TUB: variants seen among roughly 807,000 people sequenced by gnomAD.
TUB encodes the protein tubby protein homolog.
In TUB, 33 loss-of-function variants were observed where a neutral mutation model predicts 59.7. That is an observed-to-expected ratio of 0.55 (90% CI 0.42 to 0.74). The LOEUF (loss-of-function observed/expected upper bound fraction) is 0.74. TUB is among the 30% of genes least tolerant of loss of function. The pLI is 0.00. For missense variants in TUB, 659 were observed against 672.0 expected (o/e 0.98, Z 0.21); for synonymous variants, 293 against 256.4 (o/e 1.14, Z -1.36).
At chr11:8,061,059 T>C (rs1275394436) in intron 2 of TUB, among the ~76,000 whole-genome samples, 1 of 152,222 alleles carries the variant, frequency 6.6e-6, no homozygotes, top group East Asian at 1.9e-4. Flanking sequence ...TGGTGGGGCC[T>C]GTGTGGCCCT....
intron 2 of TUB, among the ~76,000 whole-genome samples, chr11:8,043,127 T>TC (rs1231871262): frequency 2.0e-5 from 3 of 152,134 alleles, no homozygotes; most frequent in African/African-American, 7.2e-5. Flanking sequence ...GAGGTAGGGG[T>TC]CCCAACTCAT....
intron 2 of TUB, among the ~76,000 whole-genome samples, chr11:8,056,281 G>A (rs1193077752): frequency 6.6e-6 from 1 of 152,206 alleles, no homozygotes; most frequent in African/African-American, 2.4e-5. Flanking sequence ...CATGGGCTCA[G>A]AGGGCTGGCT....
chr11:8,101,857 CCA>C lies in TUB; in HGVS notation c.*240_*241del. On this transcript the variant is annotated 3_prime_UTR_variant, in exon 12 of 12. Transcript: ENST00000299506. ...AGGGATGAGAATAATTCTTTCCATG[CCA>C]CGAGATCAACACACACTCCCACCCT... 1 of 576,030 alleles carries C rather than the reference CCA, an allele frequency of 1.7e-6. No individual in the cohort carries two copies. The highest frequency in any genetic ancestry group is 2.9e-6 in the Non-Finnish European group (1 of 342,586). The allele number at this position is 576,030 out of a possible 1,614,324, so 35.7% of individuals were successfully genotyped here.
In TUB at chr11:8,103,351, C is replaced by T. The variant is rs563423924; in HGVS notation, c.*1732C>T. 6.6e-6 allele frequency: 1 copy of T among 152,098 alleles called. No homozygotes were observed. Among genetic ancestry groups the T allele is most frequent in the Non-Finnish European group, 1.5e-5 (1 of 68,014 alleles). 9.4% of individuals were successfully genotyped at this position (152,098 alleles called of 1,614,324 possible). ...TGGTGGGAAGCAAGCAGGGGTCGTACCTTGCTTTAGAGTAGATGTTTGGAA... is the reference window on the plus strand; with the variant it reads ...TGGTGGGAAGCAAGCAGGGGTCGTATCTTGCTTTAGAGTAGATGTTTGGAA... On this transcript the variant is annotated 3_prime_UTR_variant, in exon 12 of 12. Coordinates refer to ENST00000299506, the MANE Select transcript of TUB (RefSeq NM_177972.3).
Position 8,094,017 on chromosome 11 carries a change from C to T in TUB, c.254-29C>T, listed in dbSNP as rs1219435065. On this transcript the variant is annotated intron_variant, in intron 3 of 11. Coordinates refer to ENST00000299506, the MANE Select transcript of TUB (RefSeq NM_177972.3). ...GGTCTCACCCACTGCCTGTTTCTCTCTCTCCATCTGGGGATGTTTCCTGAG... is the reference window on the plus strand; with the variant it reads ...GGTCTCACCCACTGCCTGTTTCTCTTTCTCCATCTGGGGATGTTTCCTGAG... The T allele has an allele frequency of 1.9e-6, 3 of 1,614,022 alleles. No homozygotes were observed. In the East Asian group the frequency reaches 6.7e-5, roughly 36 times the overall value.
At chr11:8,093,531 C>T (rs1173179420) in intron 3 of TUB, among the ~76,000 whole-genome samples, 1 of 152,146 alleles carries the variant, frequency 6.6e-6, no homozygotes, top group Non-Finnish European at 1.5e-5. Flanking sequence ...CTGTTGGTGC[C>T]TGTAGCTTCT....
chr11:8,090,343 T>C, intron 3 of TUB, 112 bp downstream of exon 3: 1 of 1,413,828 alleles, frequency 7.1e-7, no homozygotes, highest in Non-Finnish European at 9.5e-7. Context: ...AGGCTGTGTA[T>C]GGCTTCCAGC....
intron 1 of TUB, among the ~76,000 whole-genome samples, chr11:8,022,548 A>C (rs181459859): frequency 3.2e-4 from 48 of 152,298 alleles, no homozygotes; most frequent in African/African-American, 1.1e-3. Context: ...CATGTCAGTT[A>C]TCTATTGCCA....
chr11:8,081,901 A>G (rs1943573875), intron 1 of TUB, among the ~76,000 whole-genome samples: 1 of 152,220 alleles, frequency 6.6e-6, no homozygotes. Context: ...GCACACGCTC[A>G]TACATCTGCA....
chr11:8,079,207 G>A (rs771797870), upstream of TUB, among the ~76,000 whole-genome samples: 16 of 152,204 alleles, frequency 1.1e-4, no homozygotes, highest in Admixed American at 3.9e-4. Flanking sequence ...TGAAGGGAAA[G>A]TCTTTTAGAC....
chr11:8,099,712 G>A (rs1228481044), intron 9 of TUB, among the ~76,000 whole-genome samples: 2 of 152,210 alleles, frequency 1.3e-5, no homozygotes, highest in Non-Finnish European at 2.9e-5. Flanking sequence ...AGTAGGGGAG[G>A]GGAGATAAGA....
rs2133913122 is a variant in TUB at position 8,100,987 on chromosome 11, T to C, written c.1377T>C (p.His459=). ...QASVKNFQII[H]GNDPDYIVMQ... ...CCGTGAAGAACTTCCAGATCATCCA[T>C]GGCAATGACCGTGAGTGTTTCTGTC... The change falls in exon 11 of 12, where the codon CAT becomes CAC. Residue 459 remains histidine, a synonymous_variant. Coordinates refer to ENST00000299506, the MANE Select transcript of TUB (RefSeq NM_177972.3). The C allele has an allele frequency of 3.1e-6, 5 of 1,614,152 alleles. No homozygotes were observed. Among genetic ancestry groups the C allele is most frequent in the Non-Finnish European group, 4.2e-6 (5 of 1,180,032 alleles).
In TUB at chr11:8,101,718, G is replaced by A. The variant is rs956762839; in HGVS notation, c.*99G>A. The A allele has an allele frequency of 1.5e-4, 224 of 1,477,870 alleles. No homozygotes were observed. Among genetic ancestry groups the A allele is most frequent in the East Asian group, 7.9e-4 (32 of 40,386 alleles). The allele number at this position is 1,477,870 out of a possible 1,614,324, so 91.5% of individuals were successfully genotyped here. A position where few individuals can be genotyped will look rare whatever the true frequency, so the allele number is the denominator to read the frequency against. On this transcript the variant is annotated 3_prime_UTR_variant, in exon 12 of 12. Coordinates refer to ENST00000299506, the MANE Select transcript of TUB (RefSeq NM_177972.3). The stretch of plus-strand genomic sequence containing the variant: ...CCTATCCTCTGTATATAGGCCTTCC[G>A]CCAGATGAAGCTTTGGCCCTCAGTG...
At chr11:8,045,372 C>G (rs1027171106) in intron 2 of TUB, among the ~76,000 whole-genome samples, 1 of 152,162 alleles carries the variant, frequency 6.6e-6, no homozygotes, top group East Asian at 1.9e-4. Context: ...GATTTTTCTC[C>G]TAGTTATGCA....
intron 1 of TUB, among the ~76,000 whole-genome samples, chr11:8,027,473 C>T (rs1942515224): frequency 6.6e-6 from 1 of 152,046 alleles, no homozygotes; most frequent in African/African-American, 2.4e-5. Flanking sequence ...TTTGCATAAA[C>T]CACATTTTGT....
At chr11:8,072,932 C>G (rs1943384802) in intron 2 of TUB, among the ~76,000 whole-genome samples, 1 of 152,240 alleles carries the variant, frequency 6.6e-6, no homozygotes. Context: ...TGTCTCCTAA[C>G]AGCCCTGCTT....
intron 2 of TUB, among the ~76,000 whole-genome samples, chr11:8,048,371 A>G (rs1299952389): frequency 6.6e-6 from 1 of 152,180 alleles, no homozygotes; most frequent in African/African-American, 2.4e-5. Flanking sequence ...ACTACAATAG[A>G]TGAAGGTGCT....
chr11:8,044,022 C>T (rs1314444409), intron 2 of TUB, among the ~76,000 whole-genome samples: 10 of 151,742 alleles, frequency 6.6e-5, no homozygotes, highest in Admixed American at 2.0e-4. Context: ...TTCTCTTTAT[C>T]GTTGGCTTTC....
At position 8,040,984 on chromosome 11, in the gene TUB, G is replaced by A. The variant is rs186157705; in HGVS notation, c.203+1292G>A. The stretch of plus-strand genomic sequence containing the variant: ...TTTGTGGTAGACTCAGAATTAGAAC[G>A]CAGGCCACCTGCTCAGGGTTCTTTC... On this transcript the variant is annotated intron_variant, in intron 2 of 12. Coordinates refer to the TUB transcript ENST00000305253. Among the ~76,000 whole-genome samples, 267 of 152,304 alleles carry A rather than the reference G, an allele frequency of 1.8e-3. 2 individuals are homozygous for A. The highest frequency in any genetic ancestry group is 2.9e-3 in the Non-Finnish European group (195 of 68,030).
Sources: gnomAD v4.1 joint callset for allele counts (sites outside exome capture counted in the v4.1 genomes callset) on GRCh38, gnomAD v4.1.1 for gene constraint, MANE v1.5 for transcripts, NCBI Gene and HGNC (gene_info 2026-07-23, HGNC 2026-07-21) for gene names.